MFHAS1: variants seen among roughly 807,000 people sequenced by gnomAD.
The protein encoded by MFHAS1 is multifunctional ROCO family signaling regulator 1, also known as malignant fibrous histiocytoma-amplified sequence 1.
In MFHAS1, 50 loss-of-function variants were observed where a neutral mutation model predicts 70.4. The ratio of observed to expected loss-of-function variants is 0.71; its 90% CI spans 0.57 to 0.90. The LOEUF (loss-of-function observed/expected upper bound fraction) is 0.90. Ranked by LOEUF, MFHAS1 falls within the 40% of genes least tolerant of loss-of-function variation. The pLI, the probability that MFHAS1 is intolerant of heterozygous loss-of-function variation, is 0.00. For missense variants in MFHAS1, 1,795 were observed against 1,347.6 expected (o/e 1.33, Z -5.20); for synonymous variants, 952 against 620.0 (o/e 1.54, Z -7.96).
chr8:8,793,574 G>A (rs958743312), intron 2 of MFHAS1, among the ~76,000 whole-genome samples: 6 of 152,306 alleles, frequency 3.9e-5, no homozygotes, highest in Admixed American at 6.5e-5. Flanking sequence ...ACTGACAGCC[G>A]TCCCATCACT....
chr8:8,890,878 G>A lies in MFHAS1; in HGVS notation c.2181C>T (p.Phe727=). The part of the protein sequence containing the change: ...EDSPALKEHV[F]HNLTRLIDIL... ...TGTCGATGAGGCGGGTGAGGTTGTG[G>A]AAGACGTGCTCCTTGAGAGCCGGAC... The change falls in exon 1 of 3, where the codon TTC becomes TTT. Residue 727 remains phenylalanine, a synonymous_variant. Transcript: ENST00000276282. 1 of 1,614,142 alleles carries A rather than the reference G, an allele frequency of 6.2e-7. No individual in the cohort carries two copies. The highest frequency in any genetic ancestry group is 1.3e-5 in the African/African-American group (1 of 75,062).
At chr8:8,810,955 G>A (rs1487193531) in intron 1 of MFHAS1, among the ~76,000 whole-genome samples, 1 of 152,178 alleles carries the variant, frequency 6.6e-6, no homozygotes, top group Non-Finnish European at 1.5e-5. Flanking sequence ...TGGGAGAGAG[G>A]AGAAAACCCA....
At chr8:8,820,722 G>C (rs1016478270) in intron 1 of MFHAS1, among the ~76,000 whole-genome samples, 1 of 152,120 alleles carries the variant, frequency 6.6e-6, no homozygotes, top group Non-Finnish European at 1.5e-5. Context: ...ATTATCTCTA[G>C]TCAGGATGGG....
intron 1 of MFHAS1, among the ~76,000 whole-genome samples, chr8:8,805,863 A>C (rs1806271057): frequency 6.6e-6 from 1 of 151,072 alleles, no homozygotes; most frequent in South Asian, 2.1e-4. Context: ...ATGACTGGCT[A>C]ATTTTTGTAT....
chr8:8,787,761 C>A (rs1277561875), intron 2 of MFHAS1, among the ~76,000 whole-genome samples: 3 of 152,198 alleles, frequency 2.0e-5, no homozygotes, highest in African/African-American at 7.2e-5. Context: ...AACATTTTCC[C>A]ACTGAATCTG....
chr8:8,885,403 A>C (rs76109899), intron 1 of MFHAS1, among the ~76,000 whole-genome samples: 1 of 152,176 alleles, frequency 6.6e-6, no homozygotes, highest in Non-Finnish European at 1.5e-5. Flanking sequence ...CAATTCAAAA[A>C]CACAGTATTC....
In MFHAS1 at chr8:8,862,381, A is replaced by G. The variant is rs1282224361; in HGVS notation, c.2998+27680T>C. Among the ~76,000 whole-genome samples the G allele has an allele frequency of 4.6e-5, 5 of 109,852 alleles. No homozygotes were observed. The East Asian group carries it at 1.4e-3, about 30-fold the overall frequency. 72.1% of individuals were successfully genotyped at this position (109,852 alleles called of 152,430 possible). The stretch of plus-strand genomic sequence containing the variant: ...CATGTTTAACTGGGTTGTCTCAGCT[A>G]TAAGAGGTTTTTTTTTTTTAATCAG... On this transcript the variant is annotated intron_variant, in intron 1 of 2. Coordinates refer to ENST00000276282, the MANE Select transcript of MFHAS1 (RefSeq NM_004225.3).
intron 1 of MFHAS1, among the ~76,000 whole-genome samples, chr8:8,808,388 G>A (rs1052187044): frequency 3.3e-5 from 5 of 152,222 alleles, no homozygotes; most frequent in East Asian, 3.9e-4. Context: ...GCACTTTCTC[G>A]GTTATCAGAT....
chr8:8,786,517 A>T (rs1805548289), intron 2 of MFHAS1, among the ~76,000 whole-genome samples: 1 of 152,228 alleles, frequency 6.6e-6, no homozygotes, highest in African/African-American at 2.4e-5. Context: ...ATTTTACTTA[A>T]AATGTTATAA....
chr8:8,816,347 T>C (rs1806745220), intron 1 of MFHAS1, among the ~76,000 whole-genome samples: 1 of 152,194 alleles, frequency 6.6e-6, no homozygotes, highest in African/African-American at 2.4e-5. Flanking sequence ...ACCCTATGGT[T>C]AACCCAAAAC....
At chr8:8,792,258 G>A (rs1805743609) in intron 2 of MFHAS1, among the ~76,000 whole-genome samples, 1 of 81,712 alleles carries the variant, frequency 1.2e-5, no homozygotes, top group South Asian at 2.9e-4. Flanking sequence ...TCAGAAATCT[G>A]CTTCATACTA....
chr8:8,787,868 C>T (rs145943849), intron 2 of MFHAS1, among the ~76,000 whole-genome samples: 101 of 152,330 alleles, frequency 6.6e-4, no homozygotes, highest in African/African-American at 2.3e-3. Flanking sequence ...ACGGAAAATC[C>T]CACTGTTCAA....
intron 1 of MFHAS1, among the ~76,000 whole-genome samples, chr8:8,810,740 G>C (rs1004208779): frequency 1.3e-5 from 2 of 152,236 alleles, no homozygotes; most frequent in African/African-American, 4.8e-5. Flanking sequence ...TAGTTAAGGA[G>C]TCAAATGTTA....
intron 1 of MFHAS1, among the ~76,000 whole-genome samples, chr8:8,859,664 G>T (rs76906149): frequency 1.3e-5 from 2 of 151,968 alleles, no homozygotes; most frequent in Admixed American, 1.3e-4. Flanking sequence ...TCTTCCTTAC[G>T]GTTTTCTCAG....
At chr8:8,854,019 G>A (rs188670287) in intron 1 of MFHAS1, among the ~76,000 whole-genome samples, 1 of 152,282 alleles carries the variant, frequency 6.6e-6, no homozygotes, top group East Asian at 1.9e-4. Context: ...TCTTAGTTGT[G>A]TTCACATTAT....
chr8:8,832,490 A>G (rs921737056), intron 1 of MFHAS1, among the ~76,000 whole-genome samples: 3 of 152,034 alleles, frequency 2.0e-5, no homozygotes, highest in African/African-American at 7.2e-5. Flanking sequence ...CAATGAGCAA[A>G]GATGCTCATC....
At chr8:8,810,226 C>T (rs1258241622) in intron 1 of MFHAS1, among the ~76,000 whole-genome samples, 1 of 152,172 alleles carries the variant, frequency 6.6e-6, no homozygotes. Flanking sequence ...ATTAGCCAGG[C>T]ATGGTGGTGG....
chr8:8,887,052 A>G (rs1306477587), intron 1 of MFHAS1, among the ~76,000 whole-genome samples: 1 of 152,158 alleles, frequency 6.6e-6, no homozygotes, highest in Non-Finnish European at 1.5e-5. Context: ...GCTTGAATCC[A>G]GGAGGCAGAG....
intron 1 of MFHAS1, among the ~76,000 whole-genome samples, chr8:8,801,925 G>C (rs1183189256): frequency 6.6e-6 from 1 of 152,222 alleles, no homozygotes; most frequent in African/African-American, 2.4e-5. Flanking sequence ...GACTGGGAAA[G>C]ACTTCAGAGT....
Sources: gnomAD v4.1 joint callset for allele counts (sites outside exome capture counted in the v4.1 genomes callset) on GRCh38, gnomAD v4.1.1 for gene constraint, MANE v1.5 for transcripts, NCBI Gene and HGNC (gene_info 2026-07-23, HGNC 2026-07-21) for gene names.